Variants in PPM1H observed in about 807,000 individuals in gnomAD.
PPM1H encodes protein phosphatase 1H.
In PPM1H, 27 loss-of-function variants were observed where a neutral mutation model predicts 54.9. The observed-to-expected ratio is 0.49, with a 90% CI of 0.36 to 0.68. The LOEUF is 0.68. Among genes scored for constraint, PPM1H ranks in the 30% least tolerant of loss-of-function variants. PPM1H has a pLI of 0.00. For synonymous variants in PPM1H, 305 were observed against 270.8 expected, an observed-to-expected ratio of 1.13 and a Z score of -1.24; for missense variants, 596 against 667.8, an observed-to-expected ratio of 0.89 and a Z score of 1.19.
At chr12:62,832,088 G>A (rs1242423546) in intron 2 of PPM1H, 26 bp downstream of exon 2, 2 of 1,610,200 alleles carry the variant, frequency 1.2e-6, no homozygotes, top group South Asian at 1.1e-5. Context: ...TCTCACCTGA[G>A]AACCAAGGAT....
At chr12:62,908,347 C>T (rs1293849094) in intron 1 of PPM1H, among the ~76,000 whole-genome samples, 1 of 138,802 alleles carries the variant, frequency 7.2e-6, no homozygotes, top group African/African-American at 2.8e-5. Context: ...ATGGAGGTTG[C>T]AGTGAGCTGA....
chr12:62,849,768 G>A (rs564921264), intron 1 of PPM1H, among the ~76,000 whole-genome samples: 5 of 152,218 alleles, frequency 3.3e-5, no homozygotes, highest in Non-Finnish European at 4.4e-5. Flanking sequence ...GAATGCATTC[G>A]TTTCCAGGGA....
intron 4 of PPM1H, among the ~76,000 whole-genome samples, chr12:62,756,831 G>A (rs1184298437): frequency 6.6e-6 from 1 of 152,134 alleles, no homozygotes; most frequent in Non-Finnish European, 1.5e-5. Context: ...GAGGGAAAGA[G>A]AAAGCAGGAT....
In PPM1H at chr12:62,822,529, T is replaced by G. The variant is rs555212482; in HGVS notation, c.411+9585A>C. Among the ~76,000 whole-genome samples the G allele has an allele frequency of 2.6e-5, 4 of 152,092 alleles. No individual in the cohort carries two copies. In the East Asian group the frequency reaches 7.7e-4, roughly 29 times the overall value. The stretch of plus-strand genomic sequence containing the variant: ...CTTAACAAATGTAAAAGAACAGAAA[T>G]CACAACAAACTGTCTCTCAGACCAC... On this transcript the variant is annotated intron_variant, in intron 2 of 9. Coordinates refer to ENST00000228705, the MANE Select transcript of PPM1H (RefSeq NM_020700.2).
intron 1 of PPM1H, among the ~76,000 whole-genome samples, chr12:62,892,162 T>C (rs1393986664): frequency 6.6e-6 from 1 of 152,226 alleles, no homozygotes; most frequent in African/African-American, 2.4e-5. Context: ...CAGCATTTCC[T>C]ATCTGTCTAA....
intron 4 of PPM1H, among the ~76,000 whole-genome samples, chr12:62,756,526 A>T (rs755721189): frequency 8.5e-5 from 13 of 152,126 alleles, no homozygotes; most frequent in Non-Finnish European, 1.5e-4. Flanking sequence ...ATGTACATGA[A>T]CGTATTTTGT....
At position 62,934,360 on chromosome 12, in the gene PPM1H, T is replaced by C. The variant is rs1017044954; in HGVS notation, c.245+132A>G. On this transcript the variant is annotated intron_variant, in intron 1 of 9. Coordinates refer to ENST00000228705, the MANE Select transcript of PPM1H (RefSeq NM_020700.2). This position sits in a 1 kb window ranked among gnomAD's most constrained non-coding sequence, Gnocchi z 4.2. Reference sequence around the variant, plus strand: ...GAAATGGCCAGTGTAAGTAAAGAGCTCCCCGCCGAGGCCTGGACGCCGGCA... The same window carrying C: ...GAAATGGCCAGTGTAAGTAAAGAGCCCCCCGCCGAGGCCTGGACGCCGGCA... The C allele has an allele frequency of 1.6e-6, 2 of 1,272,704 alleles. No homozygotes were observed. The highest frequency in any genetic ancestry group is 2.1e-6 in the Non-Finnish European group (2 of 966,482). 78.8% of individuals were successfully genotyped at this position (1,272,704 alleles called of 1,614,324 possible). A position where few individuals can be genotyped will look rare whatever the true frequency, so the allele number is the denominator to read the frequency against.
At chr12:62,718,844 C>T (rs1290023827) in intron 6 of PPM1H, among the ~76,000 whole-genome samples, 2 of 152,312 alleles carry the variant, frequency 1.3e-5, no homozygotes, top group East Asian at 3.9e-4. Context: ...AACTCCAGAA[C>T]TCAGAGCTGC....
intron 6 of PPM1H, among the ~76,000 whole-genome samples, chr12:62,701,707 C>T (rs985337523): frequency 6.6e-6 from 1 of 151,126 alleles, no homozygotes; most frequent in African/African-American, 2.5e-5. Flanking sequence ...CACCAGGGGG[C>T]CTGGTCATTC....
At position 62,844,409 on chromosome 12, in the gene PPM1H, C is replaced by T. The variant is rs1305853206; in HGVS notation, c.246-12130G>A. 6.6e-6 allele frequency among the ~76,000 whole-genome samples: 1 copy of T among 152,244 alleles called. No homozygotes were observed. Among genetic ancestry groups the T allele is most frequent in the East Asian group, 1.9e-4 (1 of 5,186 alleles). The stretch of plus-strand genomic sequence containing the variant: ...TATCTCTGATGCTGCTTCTTCATTG[C>T]TAATCATTTATAGGAAAAAGCAGAA... On this transcript the variant is annotated intron_variant, in intron 1 of 9. Transcript: ENST00000228705. The surrounding 1 kb of genome is among the most constrained non-coding windows in gnomAD (Gnocchi z 5.2).
At chr12:62,867,498 T>G (rs541548658) in intron 1 of PPM1H, among the ~76,000 whole-genome samples, 20 of 150,706 alleles carry the variant, frequency 1.3e-4, no homozygotes, top group Admixed American at 4.0e-4. Context: ...CACGCTAGGA[T>G]CTCATCATAG....
At chr12:62,903,739 T>G (rs1375787379) in intron 1 of PPM1H, among the ~76,000 whole-genome samples, 2 of 150,562 alleles carry the variant, frequency 1.3e-5, no homozygotes, top group African/African-American at 4.9e-5. Context: ...GGTGGGGGAG[T>G]GGGGTGGGGG....
chr12:62,734,742 A>G (rs1362719538), intron 5 of PPM1H, among the ~76,000 whole-genome samples: 1 of 152,214 alleles, frequency 6.6e-6, no homozygotes, highest in Admixed American at 6.5e-5. Flanking sequence ...AATGGGTTTC[A>G]ATAAAGAGCA....
In PPM1H at chr12:62,934,691, T is replaced by C. The variant is rs1424585309; in HGVS notation, c.46A>G (p.Ile16Val). Residue 16 changes from isoleucine to valine, a missense_variant, in exon 1 of 10, where the codon ATC becomes GTC. Ile to Val is a conservative substitution (Grantham distance 29). This residue lies in a region of PPM1H where 382 missense variants were observed against 387.1 expected (regional missense o/e 0.99). Coordinates refer to ENST00000228705, the MANE Select transcript of PPM1H (RefSeq NM_020700.2). This position sits in a 1 kb window ranked among gnomAD's most constrained non-coding sequence, Gnocchi z 4.2. ...KSAVANFMGG[I>V]MAGSSGSEHG... Reference sequence around the variant, plus strand: ...TCGGAGCCTGAGCTGCCAGCCATGATGCCGCCCATGAAATTGGCCACGGCA... The same window carrying C: ...TCGGAGCCTGAGCTGCCAGCCATGACGCCGCCCATGAAATTGGCCACGGCA... 1.9e-6 allele frequency: 3 copies of C among 1,607,206 alleles called. No individual in the cohort carries two copies. Among genetic ancestry groups the C allele is most frequent in the African/African-American group, 2.7e-5 (2 of 74,782 alleles).
intron 4 of PPM1H, among the ~76,000 whole-genome samples, chr12:62,740,790 A>G (rs1036890478): frequency 6.6e-6 from 1 of 152,230 alleles, no homozygotes; most frequent in Non-Finnish European, 1.5e-5. Flanking sequence ...CAGAATTTCA[A>G]GACAGCCACA....
At chr12:62,699,053 C>T (rs2076129381) in intron 6 of PPM1H, among the ~76,000 whole-genome samples, 1 of 152,170 alleles carries the variant, frequency 6.6e-6, no homozygotes, top group African/African-American at 2.4e-5. Context: ...CATTAGAGAC[C>T]TTCCTACTGG....
At chr12:62,651,229 T>A (rs906986121) in intron 9 of PPM1H, among the ~76,000 whole-genome samples, 2 of 152,224 alleles carry the variant, frequency 1.3e-5, no homozygotes, top group Admixed American at 1.3e-4. Flanking sequence ...ACGTGTGAAA[T>A]GTGCCTCCCT....
chr12:62,746,901 C>T (rs962369790), intron 4 of PPM1H, among the ~76,000 whole-genome samples: 2 of 152,208 alleles, frequency 1.3e-5, no homozygotes, highest in East Asian at 1.9e-4. Flanking sequence ...TCACTGGCTA[C>T]AGCTATAGAG....
chr12:62,889,114 T>C (rs1870691837), intron 1 of PPM1H, among the ~76,000 whole-genome samples: 2 of 152,136 alleles, frequency 1.3e-5, no homozygotes, highest in Admixed American at 1.3e-4. Context: ...CTTAACCCAC[T>C]TCCATTCCAC....
Sources: gnomAD v4.1 joint callset for allele counts (sites outside exome capture counted in the v4.1 genomes callset) on GRCh38, gnomAD v4.1.1 for gene constraint, gnomAD v4.1.1 regional missense constraint, Gnocchi (gnomAD v3.1) non-coding constraint, MANE v1.5 for transcripts, NCBI Gene and HGNC (gene_info 2026-07-23, HGNC 2026-07-21) for gene names.